The following CAMTA1 variants were observed in gnomAD, a reference collection of about 807,000 sequenced individuals.
CAMTA1 encodes calmodulin-binding transcription activator 1.
A neutral mutation model predicts 170.9 loss-of-function variants in CAMTA1; 27 were observed. The ratio of observed to expected loss-of-function variants is 0.16; its 90% confidence interval spans 0.12 to 0.22. The LOEUF (loss-of-function observed/expected upper bound fraction) is 0.22, where lower values mean the gene tolerates loss of function less well. CAMTA1 is among the 10% of genes least tolerant of loss of function. CAMTA1 has a pLI of 1.00. For missense variants in CAMTA1, 1,619 were observed against 2,217.2 expected (o/e 0.73, Z 5.42); for synonymous variants, 833 against 891.5 (o/e 0.93, Z 1.17).
intron 3 of CAMTA1, among the ~76,000 whole-genome samples, chr1:6,933,843 C>G (rs1684849182): frequency 6.6e-6 from 1 of 152,040 alleles, no homozygotes; most frequent in Non-Finnish European, 1.5e-5. Flanking sequence ...GTCTTTAAGC[C>G]AATACCCCAC....
intron 3 of CAMTA1, among the ~76,000 whole-genome samples, chr1:6,977,046 C>T (rs1693564765): frequency 6.6e-6 from 1 of 152,142 alleles, no homozygotes; most frequent in South Asian, 2.1e-4. Flanking sequence ...ACTGTGAGTC[C>T]CTTAAACCTC....
chr1:7,644,676 C>T (rs572213595), intron 7 of CAMTA1, among the ~76,000 whole-genome samples: 1 of 152,332 alleles, frequency 6.6e-6, no homozygotes, highest in East Asian at 1.9e-4. Flanking sequence ...AGGGTGAGTT[C>T]CTTCCCTTTA....
chr1:7,680,815 G>T lies in CAMTA1; in HGVS notation c.2914+3082G>T, dbSNP rs569111506. Among the ~76,000 whole-genome samples, 1,107 of 147,744 alleles carry T rather than the reference G, an allele frequency of 7.5e-3. 12 individuals are homozygous for T. Among genetic ancestry groups the T allele is most frequent in the Middle Eastern group, 0.014 (4 of 280 alleles). Reference sequence around the variant, plus strand: ...TGTTTGCTTGGCTAAAGGCCGGGGGGGGGCGTGGGTCCGGGGCGCAGAGAA... The same window carrying T: ...TGTTTGCTTGGCTAAAGGCCGGGGGTGGGCGTGGGTCCGGGGCGCAGAGAA... On this transcript the variant is annotated intron_variant, in intron 11 of 22. Transcript: ENST00000303635. The surrounding 1 kb of genome is among the most constrained non-coding windows in gnomAD (Gnocchi z 4.4).
chr1:6,825,010 T>C (rs1027741830), intron 2 of CAMTA1, 82 bp from the exon 3 acceptor site: 3 of 749,086 alleles, frequency 4.0e-6, no homozygotes, highest in Non-Finnish European at 6.6e-6. Flanking sequence ...TAAACTGAGC[T>C]GCTATTTCTG....
chr1:7,632,983 G>T (rs374051124), intron 6 of CAMTA1, among the ~76,000 whole-genome samples: 1 of 152,344 alleles, frequency 6.6e-6, no homozygotes, highest in African/African-American at 2.4e-5. Context: ...GAGCGCTGCT[G>T]GGGGCCAGGC....
chr1:7,226,733 G>A (rs1435043263), intron 4 of CAMTA1, among the ~76,000 whole-genome samples: 5 of 152,052 alleles, frequency 3.3e-5, no homozygotes, highest in African/African-American at 1.2e-4. Flanking sequence ...CTCTTTCCAT[G>A]TTAACAAATA....
chr1:6,903,629 A>C (rs1447754066), intron 3 of CAMTA1, among the ~76,000 whole-genome samples: 1 of 152,224 alleles, frequency 6.6e-6, no homozygotes, highest in East Asian at 1.9e-4. Flanking sequence ...TCCAAGGAAC[A>C]GGTGAGTAAC....
chr1:7,170,193 G>A (rs1459575723), intron 4 of CAMTA1, among the ~76,000 whole-genome samples: 1 of 151,160 alleles, frequency 6.6e-6, no homozygotes, highest in African/African-American at 2.4e-5. Flanking sequence ...TTTAGCGTAT[G>A]TTCCATGTGT....
chr1:7,431,042 A>G (rs1480505894), intron 5 of CAMTA1, among the ~76,000 whole-genome samples: 1 of 152,232 alleles, frequency 6.6e-6, no homozygotes, highest in East Asian at 1.9e-4. Context: ...CAATTCTTCT[A>G]ACCTTGTGAT....
chr1:7,321,711 G>C (rs1004031332), intron 5 of CAMTA1, among the ~76,000 whole-genome samples: 1 of 152,190 alleles, frequency 6.6e-6, no homozygotes, highest in Non-Finnish European at 1.5e-5. Flanking sequence ...CCCTACCATG[G>C]TGTTGGACAT....
intron 9 of CAMTA1, among the ~76,000 whole-genome samples, chr1:7,666,037 C>T (rs2095998213): frequency 6.6e-6 from 1 of 151,912 alleles, no homozygotes; most frequent in South Asian, 2.1e-4. Context: ...GGCGTAGTGG[C>T]ACGTGCCTGT....
At chr1:7,648,255 G>T (rs2095823080) in intron 7 of CAMTA1, among the ~76,000 whole-genome samples, 1 of 152,114 alleles carries the variant, frequency 6.6e-6, no homozygotes. Flanking sequence ...ATCTGGGCAT[G>T]GTGGCAGGTG....
Position 7,751,301 on chromosome 1 carries a change from G to A in CAMTA1, c.4792G>A (p.Val1598Met), listed in dbSNP as rs140973258. 15 of 1,612,834 alleles carry A rather than the reference G, an allele frequency of 9.3e-6. No homozygotes were observed. Among genetic ancestry groups the A allele is most frequent in the African/African-American group, 1.3e-5 (1 of 74,820 alleles). Reference sequence around the variant, plus strand: ...ATTCCAGCAGAGCCGACGGGCTGCTGTGCTCATCCAAAAGTACTACCGAAG... The same window carrying A: ...ATTCCAGCAGAGCCGACGGGCTGCTATGCTCATCCAAAAGTACTACCGAAG... ...KKFQQSRRAA[V>M]LIQKYYRSYK... The change falls in exon 20 of 23, where the codon GTG (valine) becomes ATG (methionine). Residue 1598 changes from valine to methionine, a missense_variant. Val to Met is a conservative substitution (Grantham distance 21). Transcript: ENST00000303635.
At chr1:7,458,327 A>C (rs866957091) in intron 5 of CAMTA1, among the ~76,000 whole-genome samples, 2 of 152,230 alleles carry the variant, frequency 1.3e-5, no homozygotes, top group African/African-American at 4.8e-5. Context: ...TCTGCCAAGG[A>C]AGGAATTGAT....
intron 3 of CAMTA1, among the ~76,000 whole-genome samples, chr1:6,993,151 C>T (rs1332884191): frequency 1.3e-5 from 2 of 152,184 alleles, no homozygotes; most frequent in African/African-American, 4.8e-5. Flanking sequence ...ATCTTGATGT[C>T]AGTTCTCCAA....
At chr1:6,984,171 G>A (rs1038915591) in intron 3 of CAMTA1, among the ~76,000 whole-genome samples, 33 of 81,790 alleles carry the variant, frequency 4.0e-4, no homozygotes, top group African/African-American at 1.4e-3. Flanking sequence ...AAGGTAGATG[G>A]GTTGGTAGGT....
rs527474779 is a variant in CAMTA1 at position 7,052,929 on chromosome 1, T to C, written c.235-38375T>C. Among the ~76,000 whole-genome samples, 217 of 152,344 alleles carry C rather than the reference T, an allele frequency of 1.4e-3. 2 individuals carry two copies. Among genetic ancestry groups the C allele is most frequent in the African/African-American group, 5.1e-3 (211 of 41,592 alleles). On this transcript the variant is annotated intron_variant, in intron 3 of 22. Transcript: ENST00000303635. ...CTCCCCTCCCCGCACTCCTCGCAGCTGCTGACCTGCTTTCCATCGCCCAGA... is the reference window on the plus strand; with the variant it reads ...CTCCCCTCCCCGCACTCCTCGCAGCCGCTGACCTGCTTTCCATCGCCCAGA...
chr1:6,976,026 G>T (rs1189272671), intron 3 of CAMTA1, among the ~76,000 whole-genome samples: 1 of 152,210 alleles, frequency 6.6e-6, no homozygotes, highest in East Asian at 1.9e-4. Flanking sequence ...TGTGGACAGA[G>T]ACCAGAGCAT....
chr1:7,514,536 CTT>C (rs1363084868), intron 6 of CAMTA1, among the ~76,000 whole-genome samples: 1 of 152,234 alleles, frequency 6.6e-6, no homozygotes, highest in Non-Finnish European at 1.5e-5. Context: ...CCTGGAAAGA[CTT>C]TGAAGGACAT....
Sources: allele counts gnomAD v4.1 joint callset (sites outside exome capture counted in the v4.1 genomes callset), GRCh38; gene constraint gnomAD v4.1.1; non-coding constraint Gnocchi (gnomAD v3.1); transcripts MANE v1.5; gene names NCBI Gene and HGNC (gene_info 2026-07-23, HGNC 2026-07-21).